USP22: variants seen among roughly 807,000 people sequenced by gnomAD.
The protein encoded by USP22 is ubiquitin specific peptidase 22, also known as ubiquitin carboxyl-terminal hydrolase 22.
A neutral mutation model predicts 68.1 loss-of-function variants in USP22; 22 were observed. The ratio of observed to expected loss-of-function variants is 0.32; its 90% CI spans 0.23 to 0.46. The LOEUF (loss-of-function observed/expected upper bound fraction) is 0.46, where lower values mean the gene tolerates loss of function less well. USP22 is among the 20% of genes least tolerant of loss of function. USP22 has a pLI of 1.00. For missense variants in USP22, 433 were observed against 695.8 expected (o/e 0.62, Z 4.25); for synonymous variants, 279 against 274.2 (o/e 1.02, Z -0.17).
At chr17:21,022,878 G>A (rs1972174194) in intron 2 of USP22, among the ~76,000 whole-genome samples, 1 of 151,788 alleles carries the variant, frequency 6.6e-6, no homozygotes, top group African/African-American at 2.4e-5. Context: ...ACACATGCAT[G>A]CGTGTGTTCA....
intron 1 of USP22, 22 bp from the exon 2 acceptor site, chr17:21,028,696 G>A (rs1972252604): frequency 6.2e-7 from 1 of 1,611,754 alleles, no homozygotes; most frequent in African/African-American, 1.3e-5. Context: ...AGAAGAGGAG[G>A]AGTGAACGCT....
intron 2 of USP22, among the ~76,000 whole-genome samples, chr17:21,023,259 G>GCAC (rs1266063473): frequency 6.6e-6 from 1 of 152,138 alleles, no homozygotes; most frequent in Admixed American, 6.5e-5. Flanking sequence ...ACCCAGGTGA[G>GCAC]GGAATAAACT....
At position 21,003,412 on chromosome 17, in the gene USP22, G is replaced by A. The variant is rs192990595; in HGVS notation, c.1536-339C>T. Among the ~76,000 whole-genome samples, 39 of 152,232 alleles carry A rather than the reference G, an allele frequency of 2.6e-4. 1 individual carries two copies. The highest frequency in any genetic ancestry group is 7.5e-4 in the African/African-American group (31 of 41,540). Reference sequence around the variant, plus strand: ...TGGCTCCGTCCAGATCCACCTCATCGCCCTGAAGGCTGTCCTTTATCCCAG... The same window carrying A: ...TGGCTCCGTCCAGATCCACCTCATCACCCTGAAGGCTGTCCTTTATCCCAG... On this transcript the variant is annotated intron_variant, in intron 12 of 12. Coordinates refer to ENST00000261497, the MANE Select transcript of USP22 (RefSeq NM_015276.2).
intron 2 of USP22, among the ~76,000 whole-genome samples, chr17:21,023,322 G>A (rs1253536476): frequency 1.3e-5 from 2 of 152,126 alleles, no homozygotes; most frequent in African/African-American, 2.4e-5. Flanking sequence ...CACATGTACC[G>A]TTGAAACTAA....
intron 1 of USP22, among the ~76,000 whole-genome samples, chr17:21,038,139 A>C (rs545606169): frequency 3.9e-5 from 6 of 152,340 alleles, no homozygotes; most frequent in Admixed American, 3.9e-4. Context: ...AAAATAGCAC[A>C]TATCATCCCA....
In USP22 at chr17:21,021,207, TC is replaced by T; in HGVS notation, c.323del (p.Gly108GlufsTer19). Reference sequence around the variant, plus strand: ...CCTGGCACAGAAAACAGTAGATGCCTCCGTACATCAGATCAATGGCTGAGGA... The same window carrying T: ...CCTGGCACAGAAAACAGTAGATGCCTCGTACATCAGATCAATGGCTGAGGA... ...RHNLAIDLMY[G>X]GIYCFLCQDY... On this transcript the variant is annotated frameshift_variant, in exon 3 of 13. Transcript: ENST00000261497. LOFTEE classifies it high-confidence loss of function. The T allele has an allele frequency of 6.2e-7, 1 of 1,612,564 alleles. No homozygotes were observed.
rs965433916 is a variant in USP22, at chr17:21,002,955, G to T, written c.*76C>A. The stretch of plus-strand genomic sequence containing the variant: ...GGAGGCGGCGGGAGACTTGGGGGAG[G>T]GGGGGGCCAGGGAGGATCACTTTGT... On this transcript the variant is annotated 3_prime_UTR_variant, in exon 13 of 13. Transcript: ENST00000261497. 1.0e-5 allele frequency: 16 copies of T among 1,569,882 alleles called. No individual in the cohort carries two copies. The highest frequency in any genetic ancestry group is 9.0e-5 in the East Asian group (4 of 44,280).
intron 12 of USP22, 92 bp downstream of exon 12, chr17:21,004,110 G>T: frequency 6.5e-7 from 1 of 1,529,412 alleles, no homozygotes; most frequent in Non-Finnish European, 8.9e-7. Context: ...CCTTCGAGTG[G>T]TTCTAGGCTC....
At chr17:21,004,481 C>G in intron 11 of USP22, 130 bp from the exon 12 acceptor site, 1 of 1,161,700 alleles carries the variant, frequency 8.6e-7, no homozygotes, top group Admixed American at 2.3e-5. Context: ...CCCAGGGCCT[C>G]AGGCTGATGC....
chr17:21,007,790 C>G (rs8079236), intron 9 of USP22, 80 bp downstream of exon 9: 6 of 1,563,636 alleles, frequency 3.8e-6, no homozygotes, highest in Non-Finnish European at 5.3e-6. Flanking sequence ...TGTAACTGCA[C>G]AGCAAACCAA....
intron 5 of USP22, among the ~76,000 whole-genome samples, chr17:21,016,630 C>T (rs550950207): frequency 2.6e-5 from 4 of 152,176 alleles, no homozygotes; most frequent in Non-Finnish European, 4.4e-5. Context: ...ACGCAAGACA[C>T]GGGTGAATCC....
At chr17:21,009,501 G>A (rs1269556143) in intron 8 of USP22, among the ~76,000 whole-genome samples, 1 of 152,152 alleles carries the variant, frequency 6.6e-6, no homozygotes, top group East Asian at 1.9e-4. Context: ...ACCTTCCCGG[G>A]AGTCAGCACC....
intron 1 of USP22, among the ~76,000 whole-genome samples, chr17:21,037,990 G>A (rs951273567): frequency 1.3e-4 from 20 of 152,132 alleles, no homozygotes; most frequent in African/African-American, 4.3e-4. Flanking sequence ...ACAGAAAAAT[G>A]TTTACATTTT....
chr17:21,042,617 A>T, intron 1 of USP22, 48 bp downstream of exon 1: 1 of 1,256,842 alleles, frequency 8.0e-7, no homozygotes, highest in Non-Finnish European at 1.0e-6. Flanking sequence ...CGGCCTCAGG[A>T]GCGGCAGAAG....
At chr17:21,029,586 TA>T (rs1375172242) in intron 1 of USP22, among the ~76,000 whole-genome samples, 2 of 152,060 alleles carry the variant, frequency 1.3e-5, no homozygotes, top group African/African-American at 4.8e-5. Flanking sequence ...AACCACTGGG[TA>T]AAAAAATACT....
chr17:21,014,474 T>C (rs1914070096), intron 6 of USP22, among the ~76,000 whole-genome samples: 1 of 152,190 alleles, frequency 6.6e-6, no homozygotes, highest in Non-Finnish European at 1.5e-5. Flanking sequence ...AACTTTCCTT[T>C]GATTTCTAGG....
intron 1 of USP22, among the ~76,000 whole-genome samples, chr17:21,032,077 T>A (rs1220763054): frequency 1.3e-5 from 2 of 152,262 alleles, no homozygotes; most frequent in Non-Finnish European, 2.9e-5. Context: ...ATATTTTTAC[T>A]GTAACCTTCT....
chr17:21,013,049 G>A (rs719093), intron 6 of USP22, 114 bp from the exon 7 acceptor site: 201,581 of 846,566 alleles, frequency 0.24, 25,238 homozygotes, highest in South Asian at 0.28. Context: ...CGCTTTAAAA[G>A]GCCATGTGAG....
At chr17:21,014,467 T>C (rs1914069712) in intron 6 of USP22, among the ~76,000 whole-genome samples, 1 of 152,302 alleles carries the variant, frequency 6.6e-6, no homozygotes, top group East Asian at 1.9e-4. Context: ...ACTAAGTAAC[T>C]TTCCTTTGAT....
Sources: gnomAD v4.1 joint callset for allele counts (sites outside exome capture counted in the v4.1 genomes callset) on GRCh38, gnomAD v4.1.1 for gene constraint, MANE v1.5 for transcripts, NCBI Gene and HGNC (gene_info 2026-07-23, HGNC 2026-07-21) for gene names.